The following RAB3GAP1 variants were observed in gnomAD, a reference collection of about 807,000 sequenced individuals.
RAB3GAP1 encodes RAB3 GTPase activating protein catalytic subunit 1.
RAB3GAP1 carries 86 observed loss-of-function variants against 130.7 expected under a neutral mutation model. The observed-to-expected ratio is 0.66, with a 90% CI of 0.55 to 0.79. RAB3GAP1 has a LOEUF of 0.79. Among genes scored for constraint, RAB3GAP1 ranks in the 30% least tolerant of loss-of-function variants. The pLI is 0.00. For missense variants in RAB3GAP1, 1,029 were observed against 1,169.4 expected (o/e 0.88, Z 1.75); for synonymous variants, 367 against 401.7 (o/e 0.91, Z 1.03).
At chr2:135,061,022 T>TC (rs35521581) in intron 3 of RAB3GAP1, among the ~76,000 whole-genome samples, 1 of 149,690 alleles carries the variant, frequency 6.7e-6, no homozygotes, top group African/African-American at 2.5e-5. Context: ...TTTTTTTTTT[T>TC]AAATAAACAT....
rs187872985 is a variant in RAB3GAP1 at position 135,159,582 on chromosome 2, G to A, written c.2290-2973G>A. On this transcript the variant is annotated intron_variant, in intron 19 of 23. Transcript: ENST00000264158. ...AAAACCTGAGAAATGTCACAGCCAA[G>A]GGAGCCTAGAAACATGACAGCTAAA... Among the ~76,000 whole-genome samples the A allele has an allele frequency of 2.0e-3, 302 of 152,350 alleles. 3 individuals carry two copies. Among genetic ancestry groups the A allele is most frequent in the Middle Eastern group, 3.4e-3 (1 of 294 alleles).
At chr2:135,107,644 A>G (rs561605116) in intron 5 of RAB3GAP1, among the ~76,000 whole-genome samples, 122 of 152,210 alleles carry the variant, frequency 8.0e-4, no homozygotes, top group African/African-American at 2.6e-3. Flanking sequence ...TCCTTAATCT[A>G]TTTCTTTCTA....
intron 5 of RAB3GAP1, among the ~76,000 whole-genome samples, chr2:135,103,628 C>A (rs1204021326): frequency 6.6e-6 from 1 of 152,190 alleles, no homozygotes; most frequent in Non-Finnish European, 1.5e-5. Context: ...CTCCCCTCTT[C>A]TCTCTAATCT....
intron 5 of RAB3GAP1, among the ~76,000 whole-genome samples, chr2:135,108,095 T>G (rs1690686229): frequency 6.6e-6 from 1 of 152,190 alleles, no homozygotes; most frequent in East Asian, 1.9e-4. Context: ...TTGTTGTTAC[T>G]TTTGATCTTT....
rs1553445354 is a variant in RAB3GAP1 at position 135,117,799 on chromosome 2, C to CT, written c.648+2420dup. ...TCTGCTTCTTCTGCTTCTTCTTCTTCTTCTTCTTCTTTCTTCTTCTTTCTT... is the reference window on the plus strand; with the variant it reads ...TCTGCTTCTTCTGCTTCTTCTTCTTCTTTCTTCTTCTTTCTTCTTCTTTCTT... On this transcript the variant is annotated intron_variant, in intron 7 of 23. Coordinates refer to ENST00000264158, the MANE Select transcript of RAB3GAP1 (RefSeq NM_012233.3). Among the ~76,000 whole-genome samples the CT allele has an allele frequency of 4.0e-3, 597 of 151,054 alleles. 3 individuals carry two copies. The highest frequency in any genetic ancestry group is 0.014 in the African/African-American group (573 of 40,616).
intron 17 of RAB3GAP1, among the ~76,000 whole-genome samples, chr2:135,145,506 A>T (rs1010634678): frequency 2.6e-5 from 4 of 152,158 alleles, no homozygotes; most frequent in Admixed American, 2.6e-4. Flanking sequence ...AAGGAGTCAC[A>T]GCATGATAGT....
At chr2:135,093,141 G>A (rs1690191887) in intron 4 of RAB3GAP1, among the ~76,000 whole-genome samples, 1 of 152,086 alleles carries the variant, frequency 6.6e-6, no homozygotes, top group Admixed American at 6.5e-5. Flanking sequence ...GTACCTTATC[G>A]TGGATAGTAA....
intron 3 of RAB3GAP1, among the ~76,000 whole-genome samples, chr2:135,080,276 T>C (rs1689757415): frequency 6.6e-6 from 1 of 152,182 alleles, no homozygotes; most frequent in Non-Finnish European, 1.5e-5. Context: ...ATTCATACAG[T>C]CTGCTTTTAC....
chr2:135,052,339 T>C lies in RAB3GAP1; in HGVS notation c.18+14T>C. 2 of 1,614,110 alleles carry C rather than the reference T, an allele frequency of 1.2e-6. No individual in the cohort carries two copies. Among genetic ancestry groups the C allele is most frequent in the South Asian group, 1.1e-5 (1 of 91,084 alleles). ...GCCGACAGTGAGGTGATTTCTTTGC[T>C]CCCTACTTAATCCTTGTCACTATCT... is the stretch of plus-strand genomic sequence containing the variant. On this transcript the variant is annotated intron_variant, in intron 1 of 23. Coordinates refer to ENST00000264158, the MANE Select transcript of RAB3GAP1 (RefSeq NM_012233.3).
chr2:135,068,806 T>C (rs928718595), intron 3 of RAB3GAP1, among the ~76,000 whole-genome samples: 10 of 152,226 alleles, frequency 6.6e-5, no homozygotes, highest in Admixed American at 1.3e-4. Context: ...CTGTTTGATG[T>C]AATGAAATTT....
chr2:135,127,203 T>C (rs956466779), intron 11 of RAB3GAP1, among the ~76,000 whole-genome samples: 6 of 151,366 alleles, frequency 4.0e-5, no homozygotes, highest in East Asian at 3.9e-4. Flanking sequence ...TTTTTTTTTT[T>C]CCGGATGCTT....
Position 135,162,565 on chromosome 2 carries a change from A to G in RAB3GAP1, c.2300A>G (p.Tyr767Cys). The change falls in exon 20 of 24, where the codon TAT becomes TGT. Residue 767 changes from tyrosine (Y) to cysteine (C), a missense_variant. By Grantham distance (194) the Tyr-to-Cys change is radical. This residue lies in a region of RAB3GAP1 where 373 missense variants were observed against 493.6 expected (regional missense o/e 0.76). Coordinates refer to ENST00000264158, the MANE Select transcript of RAB3GAP1 (RefSeq NM_012233.3). ...CTGCACCTCCTTCAGGTGCTGCACTATCTGGCAATCCAGAAACCTGCAGAC... is the reference window on the plus strand; with the variant it reads ...CTGCACCTCCTTCAGGTGCTGCACTGTCTGGCAATCCAGAAACCTGCAGAC... ...DTREAEKVLH[Y>C]LAIQKPADLA... The G allele has an allele frequency of 1.2e-6, 2 of 1,613,692 alleles. No individual in the cohort carries two copies. Among genetic ancestry groups the G allele is most frequent in the Non-Finnish European group, 1.7e-6 (2 of 1,179,780 alleles).
chr2:135,087,146 A>T (rs929213772), intron 3 of RAB3GAP1, among the ~76,000 whole-genome samples: 3 of 152,204 alleles, frequency 2.0e-5, no homozygotes, highest in Non-Finnish European at 2.9e-5. Context: ...TGAATATTTA[A>T]TTATTCCAGC....
chr2:135,121,450 T>C (rs1691200744), intron 8 of RAB3GAP1, among the ~76,000 whole-genome samples: 1 of 152,332 alleles, frequency 6.6e-6, no homozygotes, highest in East Asian at 1.9e-4. Context: ...ACAGATTCAT[T>C]CAACAATTAT....
chr2:135,127,585 G>T (rs1174738706), intron 11 of RAB3GAP1, among the ~76,000 whole-genome samples: 3 of 151,848 alleles, frequency 2.0e-5, no homozygotes, highest in Admixed American at 6.6e-5. Flanking sequence ...CTCATGATCC[G>T]CCCGCCTCGG....
intron 5 of RAB3GAP1, among the ~76,000 whole-genome samples, chr2:135,102,842 C>T (rs933792833): frequency 6.6e-6 from 1 of 151,586 alleles, no homozygotes; most frequent in Non-Finnish European, 1.5e-5. Context: ...AGTGAAACCT[C>T]GTCTCTACTA....
At chr2:135,172,933 T>C (rs1391123319), downstream of RAB3GAP1, among the ~76,000 whole-genome samples, 6 of 152,108 alleles carry the variant, frequency 3.9e-5, no homozygotes, top group Non-Finnish European at 7.4e-5. Flanking sequence ...ATAGGAGCCA[T>C]TGCAACTTCT....
At chr2:135,172,867 G>A (rs778335251), downstream of RAB3GAP1, among the ~76,000 whole-genome samples, 1 of 152,218 alleles carries the variant, frequency 6.6e-6, no homozygotes, top group Non-Finnish European at 1.5e-5. Flanking sequence ...ACCAGGGTTA[G>A]TCTCTGAACA....
rs1312992844 is a variant in RAB3GAP1, at chr2:135,128,707, AG to A, written c.974-1287del. 2.0e-5 allele frequency among the ~76,000 whole-genome samples: 3 copies of A among 152,202 alleles called. No individual in the cohort carries two copies. In the East Asian group the frequency reaches 5.8e-4, roughly 29 times the overall value. On this transcript the variant is annotated intron_variant, in intron 11 of 23. Coordinates refer to ENST00000264158, the MANE Select transcript of RAB3GAP1 (RefSeq NM_012233.3). Reference sequence around the variant, plus strand: ...TACCTTTCTGAAGAAGCCTCAAAAAAGTTATGGGTTAATTCAGAATTAGTTG... The same window carrying A: ...TACCTTTCTGAAGAAGCCTCAAAAAATTATGGGTTAATTCAGAATTAGTTG...
Sources: gnomAD v4.1 joint callset for allele counts (sites outside exome capture counted in the v4.1 genomes callset) on GRCh38, gnomAD v4.1.1 for gene constraint, gnomAD v4.1.1 regional missense constraint, MANE v1.5 for transcripts, NCBI Gene and HGNC (gene_info 2026-07-23, HGNC 2026-07-21) for gene names.